The following IFT140 variants were observed in gnomAD, a reference collection of about 807,000 sequenced individuals.
IFT140 encodes the protein intraflagellar transport 140.
IFT140 carries 133 observed loss-of-function variants against 164.6 expected under a neutral mutation model. That is an observed-to-expected ratio of 0.81 (90% CI 0.70 to 0.93). The LOEUF (loss-of-function observed/expected upper bound fraction) is 0.93, where lower values mean the gene tolerates loss of function less well. IFT140 is among the 40% of genes least tolerant of loss of function. The pLI is 0.00. For synonymous variants in IFT140, 860 were observed against 817.3 expected, an observed-to-expected ratio of 1.05 and a Z score of -0.89; for missense variants, 2,045 against 1,972.3, an observed-to-expected ratio of 1.04 and a Z score of -0.70.
intron 4 of IFT140, among the ~76,000 whole-genome samples, chr16:1,598,379 A>C (rs2035570454): frequency 6.6e-6 from 1 of 152,002 alleles, no homozygotes; most frequent in East Asian, 1.9e-4. Flanking sequence ...AATGGCGTGA[A>C]CCTAGGAGGC....
At chr16:1,534,178 T>G in intron 19 of IFT140, 1 of 1,496,818 alleles carries the variant, frequency 6.7e-7, no homozygotes, top group South Asian at 1.2e-5. Context: ...AGTGGTGATG[T>G]CCTCTAGCCA....
At chr16:1,576,860 G>C (rs376703392) in intron 13 of IFT140, 3 of 152,202 alleles carry the variant, frequency 2.0e-5, no homozygotes, top group Admixed American at 2.0e-4. Context: ...CAGACAGGGA[G>C]CTGTGGCCCA....
rs2141185138 is a variant in IFT140 at position 1,526,738 on chromosome 16, C to T, written c.2458G>A (p.Ala820Thr). 1.2e-6 allele frequency: 2 copies of T among 1,609,492 alleles called. No individual in the cohort carries two copies. Among genetic ancestry groups the T allele is most frequent in the Non-Finnish European group, 1.7e-6 (2 of 1,178,824 alleles). ...CCCATGTTCCCCAGGCACACCTTGGCCACGTCCAGCCGCTGGGTCTTCACG... is the reference window on the plus strand; with the variant it reads ...CCCATGTTCCCCAGGCACACCTTGGTCACGTCCAGCCGCTGGGTCTTCACG... The part of the protein sequence containing the change: ...MCVKTQRLDV[A>T]KVCLGNMGHA... The change falls in exon 20 of 31, where the codon GCC becomes ACC. Residue 820 changes from alanine (A) to threonine (T), a missense_variant. Coordinates refer to ENST00000426508, the MANE Select transcript of IFT140 (RefSeq NM_014714.4).
In IFT140 at chr16:1,608,052, C is replaced by G. The variant is rs997687478; in HGVS notation, c.-31-755G>C. The stretch of plus-strand genomic sequence containing the variant: ...AATAAAGCATAAAATCAAAGACTGT[C>G]TTTTACCTCTGACTCACAGGTGGTA... On this transcript the variant is annotated intron_variant, in intron 2 of 30. Coordinates refer to ENST00000426508, the MANE Select transcript of IFT140 (RefSeq NM_014714.4). 4.6e-5 allele frequency among the ~76,000 whole-genome samples: 7 copies of G among 152,108 alleles called. No individual in the cohort carries two copies. In the East Asian group the frequency reaches 1.3e-3, roughly 29 times the overall value.
intron 19 of IFT140, among the ~76,000 whole-genome samples, chr16:1,552,673 G>T (rs1236556893): frequency 6.9e-6 from 1 of 145,470 alleles, no homozygotes; most frequent in Non-Finnish European, 1.5e-5. Flanking sequence ...TTTTGAAATG[G>T]AGTCTCGCTC....
At chr16:1,526,913 G>C in intron 19 of IFT140, 117 bp from the exon 20 acceptor site, 6 of 1,186,346 alleles carry the variant, frequency 5.1e-6, no homozygotes, top group Non-Finnish European at 6.9e-6. Context: ...CGGGCATGAG[G>C]AGGGGCCTTC....
At position 1,524,627 on chromosome 16, in the gene IFT140, G is replaced by T. The variant is rs747274694; in HGVS notation, c.3066C>A (p.Ser1022Arg). 1 of 1,601,318 alleles carries T rather than the reference G, an allele frequency of 6.2e-7. No individual in the cohort carries two copies. Among genetic ancestry groups the T allele is most frequent in the African/African-American group, 1.3e-5 (1 of 74,578 alleles). ...ASYHLARQYE[S>R]QEEVGQAVHF... ...GCACCGCCTGCCCGACCTCCTCCTGGCTCTCGTACTGGCGGGCGAGGTGGT... is the reference window on the plus strand; with the variant it reads ...GCACCGCCTGCCCGACCTCCTCCTGTCTCTCGTACTGGCGGGCGAGGTGGT... The change falls in exon 24 of 31, where the codon AGC becomes AGA. Residue 1022 changes from serine (S) to arginine (R), a missense_variant. Transcript: ENST00000426508.
chr16:1,607,794 CT>C (rs1157276847), intron 2 of IFT140, among the ~76,000 whole-genome samples: 4 of 152,224 alleles, frequency 2.6e-5, no homozygotes, highest in African/African-American at 9.6e-5. Context: ...CAGACATGCA[CT>C]ACCATGCCCA....
At position 1,564,592 on chromosome 16, in the gene IFT140, C is replaced by T. The variant is rs1484950921; in HGVS notation, c.1902-430G>A. 1.3e-5 allele frequency among the ~76,000 whole-genome samples: 2 copies of T among 152,210 alleles called. No homozygotes were observed. Among genetic ancestry groups the T allele is most frequent in the Non-Finnish European group, 2.9e-5 (2 of 68,038 alleles). On this transcript the variant is annotated intron_variant, in intron 16 of 30. Transcript: ENST00000426508. The surrounding 1 kb of genome is among the most constrained non-coding windows in gnomAD (Gnocchi z 5.5). ...CACCGGTCCCTGTGCCATGCTGCCC[C>T]TTGGACCCAGGTCCCTCCCATCTCT...
chr16:1,589,744 G>C lies in IFT140; in HGVS notation c.671C>G (p.Thr224Ser). Reference protein sequence around the residue: ...VHYVDEKGKTTQVVSADSTIQ... With the variant: ...VHYVDEKGKTSQVVSADSTIQ... ...CGTGCTGTCTGCGGACACCACCTGAGTGGTCTTGCCCTTCTCATCCACATA... is the reference window on the plus strand; with the variant it reads ...CGTGCTGTCTGCGGACACCACCTGACTGGTCTTGCCCTTCTCATCCACATA... The change falls in exon 7 of 31, where the codon ACT becomes AGT. Residue 224 changes from threonine to serine, a missense_variant. Coordinates refer to ENST00000426508, the MANE Select transcript of IFT140 (RefSeq NM_014714.4). 2.5e-6 allele frequency: 4 copies of C among 1,614,212 alleles called. No individual in the cohort carries two copies. The highest frequency in any genetic ancestry group is 3.4e-6 in the Non-Finnish European group (4 of 1,180,040).
intron 3 of IFT140, among the ~76,000 whole-genome samples, chr16:1,606,521 C>T (rs980095781): frequency 2.0e-5 from 3 of 152,186 alleles, no homozygotes; most frequent in South Asian, 2.1e-4. Context: ...AGCGCAATGG[C>T]GTGATCGCCG....
chr16:1,587,100 T>C (rs868020620), intron 9 of IFT140, 98 bp downstream of exon 9: 2 of 787,480 alleles, frequency 2.5e-6, no homozygotes, highest in Middle Eastern at 2.3e-4. Context: ...GTTACCATTG[T>C]GTGAGTAGCC....
Position 1,528,374 on chromosome 16 carries a change from T to C in IFT140, c.2400-1578A>G, listed in dbSNP as rs375151777. Reference sequence around the variant, plus strand: ...GCACGCACGTGTGCACACACACGCATGCACGCACGTGTGCACACACACGGA... The same window carrying C: ...GCACGCACGTGTGCACACACACGCACGCACGCACGTGTGCACACACACGGA... On this transcript the variant is annotated intron_variant, in intron 19 of 30. Transcript: ENST00000426508. Among the ~76,000 whole-genome samples the C allele has an allele frequency of 2.6e-3, 379 of 147,260 alleles. 8 individuals carry two copies. In the South Asian group the frequency reaches 0.033, roughly 13 times the overall value.
At chr16:1,588,110 A>C in intron 7 of IFT140, 86 bp from the exon 8 acceptor site, 1 of 1,064,624 alleles carries the variant, frequency 9.4e-7, no homozygotes, top group Non-Finnish European at 1.4e-6. Context: ...TCTGGTCCTC[A>C]GTGACTTCAT....
intron 13 of IFT140, chr16:1,578,367 A>C (rs1044147515): frequency 2.0e-5 from 3 of 152,164 alleles, no homozygotes; most frequent in Non-Finnish European, 2.9e-5. Context: ...GAGATGGATA[A>C]AAATCACAAC....
intron 19 of IFT140, among the ~76,000 whole-genome samples, chr16:1,556,720 C>T (rs974320430): frequency 6.6e-6 from 1 of 152,162 alleles, no homozygotes; most frequent in Admixed American, 6.5e-5. Context: ...CTTTCATCTT[C>T]CCCTGCTCAA....
At chr16:1,539,853 C>A (rs1182399487) in intron 19 of IFT140, among the ~76,000 whole-genome samples, 1 of 152,220 alleles carries the variant, frequency 6.6e-6, no homozygotes, top group Non-Finnish European at 1.5e-5. Context: ...GACTCCTCAG[C>A]AGCCCGGGGA....
At chr16:1,601,263 C>CAAA (rs965825314) in intron 4 of IFT140, among the ~76,000 whole-genome samples, 1 of 55,242 alleles carries the variant, frequency 1.8e-5, no homozygotes. Context: ...GATTCCATCA[C>CAAA]AAAAAAAAAA....
In IFT140 at chr16:1,589,385, C is replaced by T. The variant is rs564437346; in HGVS notation, c.810+220G>A. Among the ~76,000 whole-genome samples the T allele has an allele frequency of 5.3e-5, 8 of 152,332 alleles. No homozygotes were observed. The East Asian group carries it at 1.5e-3, about 29-fold the overall frequency. On this transcript the variant is annotated intron_variant, in intron 7 of 30. Transcript: ENST00000426508. ...TGTCTCCCATCAGGCCTCACATCCACCCAAAGATGCAGGAGAATCTCCATC... is the reference window on the plus strand; with the variant it reads ...TGTCTCCCATCAGGCCTCACATCCATCCAAAGATGCAGGAGAATCTCCATC...
Sources: gnomAD v4.1 joint callset for allele counts (sites outside exome capture counted in the v4.1 genomes callset) on GRCh38, gnomAD v4.1.1 for gene constraint, Gnocchi (gnomAD v3.1) non-coding constraint, MANE v1.5 for transcripts, NCBI Gene and HGNC (gene_info 2026-07-23, HGNC 2026-07-21) for gene names.